Variants in DENND1A observed in about 807,000 individuals in gnomAD.
The protein encoded by DENND1A is DENN domain-containing protein 1A.
DENND1A carries 51 observed loss-of-function variants against 113.7 expected under a neutral mutation model. That is an observed-to-expected ratio of 0.45 (90% CI 0.36 to 0.57). DENND1A has a LOEUF of 0.57. DENND1A is among the 20% of genes least tolerant of loss of function. The pLI is 0.00. For synonymous variants in DENND1A, 565 were observed against 570.8 expected (o/e 0.99, Z 0.14); for missense variants, 1,258 against 1,395.9 (o/e 0.90, Z 1.57).
chr9:123,531,985 T>C lies in DENND1A; in HGVS notation c.993+25585A>G, dbSNP rs79712947. On this transcript the variant is annotated intron_variant, in intron 13 of 23. Coordinates refer to ENST00000394215, the MANE Select transcript of DENND1A (RefSeq NM_001352964.2). ...GATGTGGCTTATAACATGTGATGAATGGAGGTAATTGGCAAATACCTGAAG... is the reference window on the plus strand; with the variant it reads ...GATGTGGCTTATAACATGTGATGAACGGAGGTAATTGGCAAATACCTGAAG... Among the ~76,000 whole-genome samples, 812 of 152,272 alleles carry C rather than the reference T, an allele frequency of 5.3e-3. 9 individuals are homozygous for C. The highest frequency in any genetic ancestry group is 0.019 in the African/African-American group (772 of 41,548).
At chr9:123,612,493 T>C (rs2137832994) in intron 10 of DENND1A, among the ~76,000 whole-genome samples, 1 of 152,348 alleles carries the variant, frequency 6.6e-6, no homozygotes, top group East Asian at 1.9e-4. Flanking sequence ...CTGGCTCACA[T>C]TAACAGCTTT....
intron 11 of DENND1A, among the ~76,000 whole-genome samples, chr9:123,583,608 G>A (rs891060701): frequency 3.9e-5 from 6 of 152,134 alleles, no homozygotes; most frequent in African/African-American, 1.4e-4. Flanking sequence ...GAGGTCAAAA[G>A]CTCTGTCCCC....
At chr9:123,809,825 C>T (rs541470683) in intron 2 of DENND1A, among the ~76,000 whole-genome samples, 1 of 152,258 alleles carries the variant, frequency 6.6e-6, no homozygotes, top group African/African-American at 2.4e-5. Context: ...CATGCACCAC[C>T]CTGCCCAGCT....
At chr9:123,641,355 A>G (rs2062015883) in intron 9 of DENND1A, among the ~76,000 whole-genome samples, 1 of 151,648 alleles carries the variant, frequency 6.6e-6, no homozygotes, top group African/African-American at 2.4e-5. Context: ...GGAAGACACA[A>G]TTTATTTCAT....
At chr9:123,463,298 C>T (rs1319034260) in intron 13 of DENND1A, among the ~76,000 whole-genome samples, 1 of 152,210 alleles carries the variant, frequency 6.6e-6, no homozygotes. Context: ...ATCTTCTTGA[C>T]ATATGGAATC....
At chr9:123,823,928 C>T (rs1376689174) in intron 2 of DENND1A, among the ~76,000 whole-genome samples, 1 of 152,094 alleles carries the variant, frequency 6.6e-6, no homozygotes, top group African/African-American at 2.4e-5. Flanking sequence ...GGAGAATGAT[C>T]CTAAGTTCAA....
chr9:123,767,640 G>C (rs1161665863), intron 4 of DENND1A, among the ~76,000 whole-genome samples: 1 of 152,138 alleles, frequency 6.6e-6, no homozygotes, highest in Non-Finnish European at 1.5e-5. Flanking sequence ...AAAGAAATAT[G>C]AATCAGTGTG....
At chr9:123,727,064 C>T (rs147424754) in intron 5 of DENND1A, among the ~76,000 whole-genome samples, 21 of 152,278 alleles carry the variant, frequency 1.4e-4, no homozygotes, top group Middle Eastern at 3.4e-3. Context: ...AAGATCTAAA[C>T]GGGATGATCA....
intron 13 of DENND1A, among the ~76,000 whole-genome samples, chr9:123,490,758 T>C (rs775964150): frequency 2.6e-4 from 40 of 152,184 alleles, no homozygotes; most frequent in Non-Finnish European, 5.0e-4. Flanking sequence ...TTAATCAATA[T>C]AGAAAATTAT....
At chr9:123,398,164 C>T (rs920145338) in intron 21 of DENND1A, among the ~76,000 whole-genome samples, 54 of 152,202 alleles carry the variant, frequency 3.5e-4, no homozygotes, top group African/African-American at 1.3e-3. Flanking sequence ...CCTCCATACT[C>T]TCAGCAACTC....
At chr9:123,787,442 G>A (rs1564270629) in intron 3 of DENND1A, among the ~76,000 whole-genome samples, 1 of 152,076 alleles carries the variant, frequency 6.6e-6, no homozygotes, top group Non-Finnish European at 1.5e-5. Flanking sequence ...AAAGAACAAG[G>A]CAATCTTCAA....
At position 123,903,847 on chromosome 9, in the gene DENND1A, G is replaced by A. The variant is rs539243695; in HGVS notation, c.18-24826C>T. Among the ~76,000 whole-genome samples, 409 of 152,280 alleles carry A rather than the reference G, an allele frequency of 2.7e-3. 4 individuals carry two copies. Among genetic ancestry groups the A allele is most frequent in the Non-Finnish European group, 4.6e-3 (316 of 68,030 alleles). On this transcript the variant is annotated intron_variant, in intron 1 of 23. Transcript: ENST00000394215. ...CTTAGGTAAACAAAGCAGCCAGGAA[G>A]CTCGAACTGGGTGGAGCCCACCATA...
chr9:123,427,102 G>C (rs977728273), intron 19 of DENND1A, among the ~76,000 whole-genome samples: 2 of 152,226 alleles, frequency 1.3e-5, no homozygotes, highest in Admixed American at 1.3e-4. Context: ...CCACCCTGAG[G>C]ACCAAACTTG....
At position 123,757,720 on chromosome 9, in the gene DENND1A, G is replaced by T. The variant is rs2070689354; in HGVS notation, c.285C>A (p.Ser95Arg). The change falls in exon 5 of 24, where the codon AGC becomes AGA. Residue 95 changes from serine to arginine, a missense_variant. By Grantham distance (110) the Ser-to-Arg change is moderately radical. Transcript: ENST00000394215. ...TCCCTTACCTTAAGATACAGAAGCA[G>T]CTCTTCGCTCCTGAAGATAAGCGGC... ...GFCRLSSGAK[S>R]CFCILSYLPW... is the part of the protein sequence containing the mutation. 1 of 1,613,884 alleles carries T rather than the reference G, an allele frequency of 6.2e-7. No homozygotes were observed. The highest frequency in any genetic ancestry group is 1.7e-5 in the Admixed American group (1 of 60,002).
chr9:123,903,344 A>C (rs1852066833), intron 1 of DENND1A, among the ~76,000 whole-genome samples: 1 of 150,656 alleles, frequency 6.6e-6, no homozygotes, highest in South Asian at 2.1e-4. Context: ...AAAAAAAAAA[A>C]AAAAAAAAAA....
intron 5 of DENND1A, among the ~76,000 whole-genome samples, chr9:123,717,961 C>T (rs1203146406): frequency 1.3e-5 from 2 of 152,162 alleles, no homozygotes; most frequent in African/African-American, 4.8e-5. Context: ...GTTTTCACAC[C>T]ACCTCCTTCC....
At chr9:123,494,481 C>G (rs555538042) in intron 13 of DENND1A, among the ~76,000 whole-genome samples, 38 of 152,276 alleles carry the variant, frequency 2.5e-4, no homozygotes, top group African/African-American at 8.7e-4. Context: ...AACCAGGACT[C>G]CTGATACTGA....
chr9:123,552,027 G>GAGAGAGAGAGAC (rs1189530027), intron 13 of DENND1A, among the ~76,000 whole-genome samples: 1 of 143,140 alleles, frequency 7.0e-6, no homozygotes, highest in Non-Finnish European at 1.5e-5. Context: ...GCGAGAGAGA[G>GAGAGAGAGAGAC]AGAGAGAGAG....
At chr9:123,816,875 T>C (rs1837583553) in intron 2 of DENND1A, among the ~76,000 whole-genome samples, 1 of 152,176 alleles carries the variant, frequency 6.6e-6, no homozygotes, top group South Asian at 2.1e-4. Flanking sequence ...ATGCAGACAG[T>C]AGTACCTGTC....
Sources: allele counts gnomAD v4.1 joint callset (sites outside exome capture counted in the v4.1 genomes callset), GRCh38; gene constraint gnomAD v4.1.1; transcripts MANE v1.5; gene names NCBI Gene and HGNC (gene_info 2026-07-23, HGNC 2026-07-21).